Variants in CCDC152 observed in about 807,000 individuals in gnomAD.
CCDC152 encodes coiled-coil domain-containing protein 152.
CCDC152 carries 37 observed loss-of-function variants against 38.1 expected under a neutral mutation model. That is an observed-to-expected ratio of 0.97 (90% CI 0.75 to 1.28). CCDC152 has a LOEUF of 1.28. Among genes scored for constraint, CCDC152 ranks in the 50% most tolerant of loss-of-function variants. The pLI is 0.00. For synonymous variants in CCDC152, 83 were observed against 87.1 expected (o/e 0.95, Z 0.26); for missense variants, 259 against 292.1 (o/e 0.89, Z 0.83).
At chr5:42,784,152 T>C (rs1759887097) in intron 6 of CCDC152, among the ~76,000 whole-genome samples, 1 of 152,200 alleles carries the variant, frequency 6.6e-6, no homozygotes, top group African/African-American at 2.4e-5. Flanking sequence ...TTTTTAGTTA[T>C]TTGAGAAATC....
At position 42,769,698 on chromosome 5, in the gene CCDC152, G is replaced by A. The variant is rs976904403; in HGVS notation, c.262+33G>A. 18 of 1,460,332 alleles carry A rather than the reference G, an allele frequency of 1.2e-5. No homozygotes were observed. The African/African-American group carries it at 2.0e-4, about 16-fold the overall frequency. 90.5% of individuals were successfully genotyped at this position (1,460,332 alleles called of 1,614,324 possible). ...AGAAAAAAAAGTAAAATCTAAAAAA[G>A]CATTGTGTATTTGAGCACCTTTAAA... is the stretch of plus-strand genomic sequence containing the variant. On this transcript the variant is annotated intron_variant, in intron 4 of 8. Transcript: ENST00000361970.
Position 42,801,335 on chromosome 5 carries a change from G to T in CCDC152, c.*1554G>T. 1 of 1,587,934 alleles carries T rather than the reference G, an allele frequency of 6.3e-7. No homozygotes were observed. Among genetic ancestry groups the T allele is most frequent in the Non-Finnish European group, 8.6e-7 (1 of 1,168,932 alleles). ...AAAAGTCTTCATCTTTGAGAGTCTGGAACAAATTTATAAATCACTTTTTAA... is the reference window on the plus strand; with the variant it reads ...AAAAGTCTTCATCTTTGAGAGTCTGTAACAAATTTATAAATCACTTTTTAA... On this transcript the variant is annotated 3_prime_UTR_variant, in exon 9 of 9. Transcript: ENST00000361970.
At chr5:42,775,613 A>G (rs181057815) in intron 4 of CCDC152, among the ~76,000 whole-genome samples, 1 of 152,180 alleles carries the variant, frequency 6.6e-6, no homozygotes. Flanking sequence ...TTGGATCTAC[A>G]TAGAAAGGAA....
At chr5:42,772,820 A>G (rs1171659901) in intron 4 of CCDC152, among the ~76,000 whole-genome samples, 9 of 152,210 alleles carry the variant, frequency 5.9e-5, no homozygotes, top group Non-Finnish European at 1.0e-4. Flanking sequence ...ATTGATTGCC[A>G]AGATAGTATG....
At chr5:42,784,997 G>T (rs1286179223) in intron 6 of CCDC152, among the ~76,000 whole-genome samples, 2 of 151,938 alleles carry the variant, frequency 1.3e-5, no homozygotes, top group East Asian at 3.9e-4. Flanking sequence ...TGCTGTTTTG[G>T]CTATTATAGC....
At chr5:42,771,557 A>G (rs981792911) in intron 4 of CCDC152, among the ~76,000 whole-genome samples, 1 of 152,066 alleles carries the variant, frequency 6.6e-6, no homozygotes, top group Non-Finnish European at 1.5e-5. Context: ...AGATGTCAAT[A>G]TATAAAAGCA....
At chr5:42,771,899 A>G (rs1319906432) in intron 4 of CCDC152, among the ~76,000 whole-genome samples, 1 of 152,214 alleles carries the variant, frequency 6.6e-6, no homozygotes, top group African/African-American at 2.4e-5. Flanking sequence ...AACACTTCCA[A>G]ACTCATCCTA....
intron 6 of CCDC152, among the ~76,000 whole-genome samples, chr5:42,784,815 T>C (rs1250532203): frequency 6.6e-6 from 1 of 152,176 alleles, no homozygotes; most frequent in Non-Finnish European, 1.5e-5. Flanking sequence ...TTCTTTTTCA[T>C]ATGGCTAACC....
chr5:42,791,278 C>T (rs532579313), intron 6 of CCDC152, among the ~76,000 whole-genome samples: 55 of 152,346 alleles, frequency 3.6e-4, no homozygotes, highest in African/African-American at 1.3e-3. Context: ...TTTGGCTGCT[C>T]TCCAGCCTTC....
At chr5:42,767,821 T>C (rs545627969) in intron 3 of CCDC152, among the ~76,000 whole-genome samples, 2 of 152,366 alleles carry the variant, frequency 1.3e-5, no homozygotes, top group East Asian at 1.9e-4. Flanking sequence ...GATTCATTAT[T>C]CTAAAAGGCA....
intron 5 of CCDC152, among the ~76,000 whole-genome samples, chr5:42,780,826 T>C (rs1759834866): frequency 6.6e-6 from 1 of 152,210 alleles, no homozygotes; most frequent in Non-Finnish European, 1.5e-5. Flanking sequence ...AGAATCATTG[T>C]TTTTTATATC....
chr5:42,767,093 T>G (rs1214230425), intron 3 of CCDC152, among the ~76,000 whole-genome samples: 1 of 152,070 alleles, frequency 6.6e-6, no homozygotes, highest in African/African-American at 2.4e-5. Context: ...TTGTTCTAAA[T>G]CTAATGTCCT....
chr5:42,790,654 G>C (rs771041160), intron 6 of CCDC152, among the ~76,000 whole-genome samples: 1 of 152,190 alleles, frequency 6.6e-6, no homozygotes, highest in Non-Finnish European at 1.5e-5. Context: ...TTTAACCTCT[G>C]TGAAGAAGAG....
Position 42,800,010 on chromosome 5 carries a change from C to T in CCDC152, c.*229C>T. On this transcript the variant is annotated 3_prime_UTR_variant, in exon 9 of 9. Coordinates refer to ENST00000361970, the MANE Select transcript of CCDC152 (RefSeq NM_001134848.2). The stretch of plus-strand genomic sequence containing the variant: ...ATAGGGTTTGGTTTACCTATTAAAC[C>T]ATCATTGACTATGGAAATACTTACT... 2 of 460,834 alleles carry T rather than the reference C, an allele frequency of 4.3e-6. No homozygotes were observed. The highest frequency in any genetic ancestry group is 7.6e-6 in the Non-Finnish European group (2 of 263,468). 28.5% of individuals were successfully genotyped at this position (460,834 alleles called of 1,614,324 possible).
At chr5:42,783,418 A>G (rs1457469205) in intron 5 of CCDC152, 56 bp from the exon 6 acceptor site, 6 of 655,384 alleles carry the variant, frequency 9.2e-6, no homozygotes, top group South Asian at 1.2e-4. Context: ...TCTAGGAATC[A>G]GAAGTTATAT....
At chr5:42,764,820 C>T (rs112789948) in intron 3 of CCDC152, among the ~76,000 whole-genome samples, 1,893 of 152,228 alleles carry the variant, frequency 0.012, 37 homozygotes, top group African/African-American at 0.043. Flanking sequence ...TAGTACCATA[C>T]TGAATGGGGA....
intron 3 of CCDC152, among the ~76,000 whole-genome samples, chr5:42,764,577 TGACCAAGTGGG>T (rs1759600672): frequency 6.6e-6 from 1 of 152,222 alleles, no homozygotes; most frequent in Admixed American, 6.5e-5. Context: ...TCTTTCATCA[TGACCAAGTGGG>T]ATTCATCCCT....
At chr5:42,758,982 T>A (rs1287089012) in intron 1 of CCDC152, 138 bp from the exon 2 acceptor site, 1 of 539,130 alleles carries the variant, frequency 1.9e-6, no homozygotes, top group Non-Finnish European at 3.2e-6. Flanking sequence ...ATAACAAAAA[T>A]TCTCGCAGTG....
chr5:42,759,044 T>G, intron 1 of CCDC152, 76 bp from the exon 2 acceptor site: 2 of 1,014,118 alleles, frequency 2.0e-6, no homozygotes, highest in Non-Finnish European at 2.8e-6. Flanking sequence ...ATGTTAGTAT[T>G]TGAGCTATGA....
Sources: allele counts gnomAD v4.1 joint callset (sites outside exome capture counted in the v4.1 genomes callset), GRCh38; gene constraint gnomAD v4.1.1; transcripts MANE v1.5; gene names NCBI Gene and HGNC (gene_info 2026-07-23, HGNC 2026-07-21).